KCNT2: variants seen among roughly 807,000 people sequenced by gnomAD.
KCNT2 encodes potassium sodium-activated channel subfamily T member 2.
KCNT2 carries 67 observed loss-of-function variants against 153.8 expected under a neutral mutation model. That is an observed-to-expected ratio of 0.44 (90% CI 0.36 to 0.53). The LOEUF (loss-of-function observed/expected upper bound fraction) is 0.53, where lower values mean the gene tolerates loss of function less well. KCNT2 is among the 20% of genes least tolerant of loss of function. The pLI, the probability that KCNT2 is intolerant of heterozygous loss-of-function variation, is 0.00. For synonymous variants in KCNT2, 500 were observed against 458.8 expected, an observed-to-expected ratio of 1.09 and a Z score of -1.15; for missense variants, 975 against 1,354.8, an observed-to-expected ratio of 0.72 and a Z score of 4.40.
intron 12 of KCNT2, among the ~76,000 whole-genome samples, chr1:196,405,236 G>A (rs1217608383): frequency 6.6e-6 from 1 of 150,954 alleles, no homozygotes; most frequent in East Asian, 2.0e-4. Flanking sequence ...TCATCCTTAA[G>A]TAAAGTGCTC....
chr1:196,604,692 A>G (rs1251140108), intron 1 of KCNT2, among the ~76,000 whole-genome samples: 1 of 151,768 alleles, frequency 6.6e-6, no homozygotes, highest in African/African-American at 2.4e-5. Context: ...TAATACAAAG[A>G]CATATCTATT....
chr1:196,431,830 A>G (rs1032657844), intron 8 of KCNT2, among the ~76,000 whole-genome samples: 5 of 152,142 alleles, frequency 3.3e-5, no homozygotes, highest in African/African-American at 9.7e-5. Flanking sequence ...GTAAATAAAA[A>G]TTGTGCTCCA....
intron 20 of KCNT2, among the ~76,000 whole-genome samples, chr1:196,318,030 T>C (rs1662902588): frequency 6.6e-6 from 1 of 151,670 alleles, no homozygotes; most frequent in Non-Finnish European, 1.5e-5. Flanking sequence ...CAACTTATTC[T>C]TATAACTCCT....
chr1:196,248,829 A>G (rs1655682210), intron 26 of KCNT2, among the ~76,000 whole-genome samples: 1 of 152,150 alleles, frequency 6.6e-6, no homozygotes, highest in Non-Finnish European at 1.5e-5. Context: ...ACAAAAACCA[A>G]ATAAAGATAC....
Position 196,236,024 on chromosome 1 carries a change from G to A in KCNT2, c.3258C>T (p.Asn1086=). The change falls in exon 27 of 28, where the codon AAC becomes AAT. Residue 1086 remains asparagine (N), a synonymous_variant. Coordinates refer to ENST00000294725, the MANE Select transcript of KCNT2 (RefSeq NM_198503.5). The part of the protein sequence containing the change: ...HQSTLSYILI[N]PSPDTRIELN... ...GCTCTATTCTGGTATCTGGAGATGGGTTAATCAGGATGTAGGAGAGGGTAC... is the reference window on the plus strand; with the variant it reads ...GCTCTATTCTGGTATCTGGAGATGGATTAATCAGGATGTAGGAGAGGGTAC... The A allele has an allele frequency of 6.2e-7, 1 of 1,604,234 alleles. No individual in the cohort carries two copies. The highest frequency in any genetic ancestry group is 8.5e-7 in the Non-Finnish European group (1 of 1,172,028).
chr1:196,320,759 T>G (rs1379144096), intron 19 of KCNT2, among the ~76,000 whole-genome samples: 1 of 151,736 alleles, frequency 6.6e-6, no homozygotes, highest in African/African-American at 2.4e-5. Flanking sequence ...TAATTTTGAT[T>G]AAATTTCTCC....
At chr1:196,382,082 A>AATTAATTTATTTATTTATTT (rs1553307534) in intron 13 of KCNT2, among the ~76,000 whole-genome samples, 2 of 143,188 alleles carry the variant, frequency 1.4e-5, no homozygotes, top group African/African-American at 2.6e-5. Context: ...TGTTTAACCA[A>AATTAATTTATTTATTTATTT]ATTTATTTAT....
At chr1:196,367,577 C>T (rs910343638) in intron 14 of KCNT2, among the ~76,000 whole-genome samples, 2 of 152,080 alleles carry the variant, frequency 1.3e-5, no homozygotes, top group Non-Finnish European at 1.5e-5. Flanking sequence ...AGAATCAAGC[C>T]TACATTTGAA....
intron 1 of KCNT2, among the ~76,000 whole-genome samples, chr1:196,543,293 A>G (rs934462260): frequency 6.6e-6 from 1 of 152,124 alleles, no homozygotes; most frequent in Admixed American, 6.6e-5. Context: ...ATTTTAACAC[A>G]CTGCAGTTGT....
At chr1:196,446,080 A>T (rs1296522014) in intron 8 of KCNT2, among the ~76,000 whole-genome samples, 4 of 151,380 alleles carry the variant, frequency 2.6e-5, no homozygotes, top group African/African-American at 9.7e-5. Flanking sequence ...TTTTTAGAAA[A>T]TTTGTCAGAG....
chr1:196,368,201 A>G (rs1668202476), intron 14 of KCNT2, among the ~76,000 whole-genome samples: 1 of 152,178 alleles, frequency 6.6e-6, no homozygotes, highest in Non-Finnish European at 1.5e-5. Flanking sequence ...AAATTAGTGT[A>G]AATCACCACT....
chr1:196,228,107 A>T lies in KCNT2; in HGVS notation c.*117T>A. On this transcript the variant is annotated 3_prime_UTR_variant, in exon 28 of 28. Transcript: ENST00000294725. The stretch of plus-strand genomic sequence containing the variant: ...ATCTATACTTCTAAGAGAAGAGATT[A>T]CGTTTTTAAATATGAGAGAATTACA... 1.6e-6 allele frequency: 1 copy of T among 624,362 alleles called. No homozygotes were observed. Among genetic ancestry groups the T allele is most frequent in the South Asian group, 2.0e-5 (1 of 48,888 alleles). 38.7% of individuals were successfully genotyped at this position (624,362 alleles called of 1,614,324 possible). A position where few individuals can be genotyped will look rare whatever the true frequency, so the allele number is the denominator to read the frequency against.
At chr1:196,583,665 A>G (rs1298206097) in intron 1 of KCNT2, among the ~76,000 whole-genome samples, 1 of 152,094 alleles carries the variant, frequency 6.6e-6, no homozygotes, top group African/African-American at 2.4e-5. Context: ...GAAGAATGAT[A>G]TCATAGAAAT....
intron 14 of KCNT2, among the ~76,000 whole-genome samples, chr1:196,355,647 T>G (rs1287233949): frequency 6.6e-6 from 1 of 151,724 alleles, no homozygotes; most frequent in Non-Finnish European, 1.5e-5. Flanking sequence ...CTCAACGGGT[T>G]TTTTGAAGTG....
chr1:196,280,971 A>G lies in KCNT2; in HGVS notation c.2799T>C (p.Asp933=). 6.2e-7 allele frequency: 1 copy of G among 1,610,854 alleles called. No homozygotes were observed. The highest frequency in any genetic ancestry group is 1.1e-5 in the South Asian group (1 of 90,946). Residue 933 remains aspartate (D), a synonymous_variant, in exon 25 of 28, where the codon GAT becomes GAC. Transcript: ENST00000294725. ...TGGCATAAGTTCTGATCCATAAGTCATCTGCAGTGATTTTCATCTATAACA... is the reference window on the plus strand; with the variant it reads ...TGGCATAAGTTCTGATCCATAAGTCGTCTGCAGTGATTTTCATCTATAACA... The part of the protein sequence containing the change: ...GFLCSMKITA[D]DLWIRTYARL...
rs977157 is a variant in KCNT2 at position 196,258,396 on chromosome 1, A to G, written c.3009T>C (p.Asp1003=). 1,610,194 of 1,614,014 alleles carry G rather than the reference A, an allele frequency of 1. 803,270 individuals carry two copies. Among genetic ancestry groups the G allele is most frequent in the East Asian group, 1 (44,852 of 44,852 alleles). The change falls in exon 26 of 28, where the codon GAT becomes GAC. Residue 1003 remains aspartate, a synonymous_variant. Transcript: ENST00000294725. The part of the protein sequence containing the change: ...RSNHRNSTSS[D]QSDHPLLRRK... ...TCCGCAGCAAGGGATGGTCCGACTG[A>G]TCACTGGATGTTGAGTTGCGGTGGT...
intron 14 of KCNT2, among the ~76,000 whole-genome samples, chr1:196,361,154 G>T (rs1305166840): frequency 2.6e-5 from 4 of 151,934 alleles, no homozygotes; most frequent in African/African-American, 7.2e-5. Flanking sequence ...AACCGGTTGA[G>T]TTAGCCAGAT....
intron 24 of KCNT2, among the ~76,000 whole-genome samples, chr1:196,281,662 A>G (rs1381422842): frequency 6.6e-6 from 1 of 152,180 alleles, no homozygotes; most frequent in African/African-American, 2.4e-5. Flanking sequence ...TTATCTATAA[A>G]ACAAAGGAGT....
intron 8 of KCNT2, among the ~76,000 whole-genome samples, chr1:196,439,922 G>A (rs748389406): frequency 6.9e-4 from 105 of 151,784 alleles, no homozygotes; most frequent in Non-Finnish European, 1.0e-3. Flanking sequence ...AGCGCATTAC[G>A]ACAAATACCT....
Sources: allele counts gnomAD v4.1 joint callset (sites outside exome capture counted in the v4.1 genomes callset), GRCh38; gene constraint gnomAD v4.1.1; transcripts MANE v1.5; gene names NCBI Gene and HGNC (gene_info 2026-07-23, HGNC 2026-07-21).